PCDH15: variants seen among roughly 807,000 people sequenced by gnomAD.
The protein encoded by PCDH15 is protocadherin related 15, also known as protocadherin-15.
In PCDH15, 129 loss-of-function variants were observed where a neutral mutation model predicts 178.5. That is an observed-to-expected ratio of 0.72 (90% confidence interval 0.63 to 0.84). The LOEUF is 0.84. Among genes scored for constraint, PCDH15 ranks in the 40% least tolerant of loss-of-function variants. The pLI is 0.00. For synonymous variants in PCDH15, 800 were observed against 732.0 expected (o/e 1.09, Z -1.50); for missense variants, 2,230 against 2,099.9 (o/e 1.06, Z -1.21).
chr10:55,473,605 C>T (rs1021798579), intron 2 of PCDH15, among the ~76,000 whole-genome samples: 1 of 152,078 alleles, frequency 6.6e-6, no homozygotes, highest in South Asian at 2.1e-4. Flanking sequence ...CATAGAACAG[C>T]TTTTTTCTCT....
chr10:55,003,263 A>G (rs1839837738), intron 2 of PCDH15, among the ~76,000 whole-genome samples: 1 of 152,166 alleles, frequency 6.6e-6, no homozygotes, highest in South Asian at 2.1e-4. Flanking sequence ...GTTCATGAAA[A>G]GGACTCTGGA....
intron 3 of PCDH15, among the ~76,000 whole-genome samples, chr10:54,444,847 T>C (rs1565294180): frequency 6.6e-6 from 1 of 151,258 alleles, no homozygotes; most frequent in Non-Finnish European, 1.5e-5. Context: ...CAAGATTAGC[T>C]CTAAGCATAT....
intron 17 of PCDH15, among the ~76,000 whole-genome samples, chr10:54,071,465 C>A (rs986967971): frequency 6.6e-6 from 1 of 151,910 alleles, no homozygotes; most frequent in African/African-American, 2.4e-5. Flanking sequence ...TATTTAATCA[C>A]AAAAAAATGC....
chr10:55,558,500 T>C (rs1250604707), intron 2 of PCDH15, among the ~76,000 whole-genome samples: 1 of 152,140 alleles, frequency 6.6e-6, no homozygotes, highest in Non-Finnish European at 1.5e-5. Context: ...TTACATCTAA[T>C]TTTTATTTTA....
chr10:54,425,564 C>G (rs1476437008), intron 3 of PCDH15, among the ~76,000 whole-genome samples: 4 of 152,102 alleles, frequency 2.6e-5, no homozygotes, highest in Admixed American at 2.0e-4. Context: ...ATGGTCTTAT[C>G]CTGAACTTTG....
chr10:54,402,470 T>C (rs1196991027), intron 3 of PCDH15, among the ~76,000 whole-genome samples: 1 of 151,984 alleles, frequency 6.6e-6, no homozygotes, highest in African/African-American at 2.4e-5. Context: ...CCACCTTTTA[T>C]TGCTTTCTTT....
intron 13 of PCDH15, among the ~76,000 whole-genome samples, chr10:54,173,266 T>A (rs1406154904): frequency 1.3e-5 from 2 of 152,180 alleles, no homozygotes; most frequent in Non-Finnish European, 2.9e-5. Flanking sequence ...CTTAAGGTCA[T>A]AAACTATATG....
chr10:55,204,914 A>T (rs1264430919), intron 1 of PCDH15, among the ~76,000 whole-genome samples: 1 of 152,106 alleles, frequency 6.6e-6, no homozygotes, highest in African/African-American at 2.4e-5. Flanking sequence ...TATTTTTTCA[A>T]ATAACAATGC....
chr10:53,909,521 A>G (rs1357482913), intron 25 of PCDH15, among the ~76,000 whole-genome samples: 1 of 152,232 alleles, frequency 6.6e-6, no homozygotes, highest in African/African-American at 2.4e-5. Flanking sequence ...TAAAAATCAA[A>G]TAACAGACAC....
At chr10:54,423,098 T>C (rs1377574529) in intron 3 of PCDH15, among the ~76,000 whole-genome samples, 4 of 152,122 alleles carry the variant, frequency 2.6e-5, no homozygotes, top group Non-Finnish European at 4.4e-5. Flanking sequence ...CTTTTTGCTC[T>C]TCTAAGTTTC....
At chr10:55,204,584 G>A (rs1445100604) in intron 1 of PCDH15, among the ~76,000 whole-genome samples, 1 of 151,950 alleles carries the variant, frequency 6.6e-6, no homozygotes, top group African/African-American at 2.4e-5. Flanking sequence ...TCTGCTAAAG[G>A]TCTATAAGAC....
intron 3 of PCDH15, among the ~76,000 whole-genome samples, chr10:54,476,139 A>G (rs568776458): frequency 6.6e-5 from 10 of 151,662 alleles, no homozygotes; most frequent in African/African-American, 2.2e-4. Flanking sequence ...TTATAACACT[A>G]TGATAAGGCT....
intron 1 of PCDH15, among the ~76,000 whole-genome samples, chr10:54,797,110 T>C (rs1361810461): frequency 6.6e-6 from 1 of 152,028 alleles, no homozygotes; most frequent in Non-Finnish European, 1.5e-5. Context: ...TGCTTAATTC[T>C]ATCGGAAGTT....
chr10:54,107,670 G>T (rs2136217488), intron 15 of PCDH15, among the ~76,000 whole-genome samples: 1 of 152,332 alleles, frequency 6.6e-6, no homozygotes, highest in African/African-American at 2.4e-5. Flanking sequence ...GGGGACAGCA[G>T]CAGTGTAATT....
At chr10:54,622,620 TA>T (rs1200841825) in intron 2 of PCDH15, among the ~76,000 whole-genome samples, 7 of 40,276 alleles carry the variant, frequency 1.7e-4, no homozygotes, top group Admixed American at 1.2e-3. Flanking sequence ...TTATATATAA[TA>T]TATATAATAT....
intron 2 of PCDH15, among the ~76,000 whole-genome samples, chr10:55,155,000 T>C (rs1838845447): frequency 6.6e-6 from 1 of 152,232 alleles, no homozygotes; most frequent in African/African-American, 2.4e-5. Flanking sequence ...CAACTATTTT[T>C]AGTTCTTGCA....
At chr10:54,157,664 G>A (rs2045302042) in intron 13 of PCDH15, among the ~76,000 whole-genome samples, 1 of 152,160 alleles carries the variant, frequency 6.6e-6, no homozygotes, top group African/African-American at 2.4e-5. Flanking sequence ...TTTGCAGGTG[G>A]CTTTAACTTC....
chr10:54,308,185 G>A (rs1325493349), intron 8 of PCDH15, among the ~76,000 whole-genome samples: 1 of 152,070 alleles, frequency 6.6e-6, no homozygotes, highest in Non-Finnish European at 1.5e-5. Context: ...TCATAATTGA[G>A]TAAGCCATCA....
chr10:54,512,416 G>A (rs2081787971), intron 3 of PCDH15, among the ~76,000 whole-genome samples: 1 of 134,922 alleles, frequency 7.4e-6, no homozygotes, highest in African/African-American at 2.6e-5. Context: ...ATTGGGGGAT[G>A]ATGCGTATAT....
Sources: allele counts gnomAD v4.1 joint callset (sites outside exome capture counted in the v4.1 genomes callset), GRCh38; gene constraint gnomAD v4.1.1; transcripts MANE v1.5; gene names NCBI Gene and HGNC (gene_info 2026-07-23, HGNC 2026-07-21).